Variants in BRAF observed in about 807,000 individuals in gnomAD.
BRAF encodes the protein serine/threonine-protein kinase B-raf.
In BRAF, 16 loss-of-function variants were observed where a neutral mutation model predicts 104.6. The ratio of observed to expected loss-of-function variants is 0.15; its 90% CI spans 0.10 to 0.23. The LOEUF is 0.23. Ranked by LOEUF, BRAF falls within the 10% of genes least tolerant of loss-of-function variation. The probability of loss-of-function intolerance (pLI) is 1.00; values close to 1 mark genes in which losing one functional copy is unlikely to be tolerated. For synonymous variants in BRAF, 310 were observed against 341.6 expected (o/e 0.91, Z 1.02); for missense variants, 541 against 937.3 (o/e 0.58, Z 5.52).
intron 3 of BRAF, among the ~76,000 whole-genome samples, chr7:140,819,308 A>G (rs1382746347): frequency 6.6e-6 from 1 of 152,220 alleles, no homozygotes; most frequent in Non-Finnish European, 1.5e-5. Context: ...CATAAGGGAA[A>G]TGCAAATAAA....
At chr7:140,816,120 TA>T (rs1425266311) in intron 3 of BRAF, among the ~76,000 whole-genome samples, 1 of 152,238 alleles carries the variant, frequency 6.6e-6, no homozygotes, top group East Asian at 1.9e-4. Context: ...TATTGAAATT[TA>T]AACACAGTAA....
chr7:140,876,925 A>C (rs1031464905), intron 1 of BRAF, among the ~76,000 whole-genome samples: 4 of 152,284 alleles, frequency 2.6e-5, no homozygotes, highest in Admixed American at 6.5e-5. Flanking sequence ...TTAAAAAAAA[A>C]CCACAAACGT....
chr7:140,899,107 T>C (rs776563890), intron 1 of BRAF, among the ~76,000 whole-genome samples: 2 of 152,198 alleles, frequency 1.3e-5, no homozygotes, highest in Non-Finnish European at 2.9e-5. Context: ...ATCTTATATA[T>C]ATGCTTCCTA....
At chr7:140,744,871 T>C (rs920594313) in intron 17 of BRAF, among the ~76,000 whole-genome samples, 1 of 152,126 alleles carries the variant, frequency 6.6e-6, no homozygotes, top group Non-Finnish European at 1.5e-5. Context: ...AAAAACATAA[T>C]TCAGAATTAA....
Position 140,725,458 on chromosome 7 carries a change from ATT to A in BRAF, c.*1034_*1035del. 1 of 930,884 alleles carries A rather than the reference ATT, an allele frequency of 1.1e-6. No individual in the cohort carries two copies. The highest frequency in any genetic ancestry group is 1.7e-5 in the African/African-American group (1 of 57,428). 57.7% of individuals were successfully genotyped at this position (930,884 alleles called of 1,614,324 possible). A position where few individuals can be genotyped will look rare whatever the true frequency, so the allele number is the denominator to read the frequency against. On this transcript the variant is annotated 3_prime_UTR_variant, in exon 20 of 20. Coordinates refer to ENST00000644969, the MANE Select transcript of BRAF (RefSeq NM_001374258.1). ...TCCAATTCAATTAAATCTGAAAATT[ATT>A]TTCTTTTTAATAAAAATAGAAAAGA... is the stretch of plus-strand genomic sequence containing the variant.
chr7:140,862,849 A>T (rs1349183751), intron 1 of BRAF, among the ~76,000 whole-genome samples: 1 of 152,210 alleles, frequency 6.6e-6, no homozygotes, highest in Non-Finnish European at 1.5e-5. Context: ...TAAATTGCAC[A>T]TAGTATGGTA....
intron 1 of BRAF, among the ~76,000 whole-genome samples, chr7:140,919,691 T>C (rs543069824): frequency 6.6e-6 from 1 of 152,338 alleles, no homozygotes; most frequent in South Asian, 2.1e-4. Context: ...AATGAGGCTA[T>C]ATTTTTCTTC....
chr7:140,919,824 T>A (rs1037260213), intron 1 of BRAF, among the ~76,000 whole-genome samples: 3 of 121,406 alleles, frequency 2.5e-5, no homozygotes, highest in Non-Finnish European at 6.4e-5. Flanking sequence ...ACAAGCAAGT[T>A]TTTTTGTTTT....
chr7:140,879,758 T>A (rs1812678027), intron 1 of BRAF, among the ~76,000 whole-genome samples: 1 of 149,476 alleles, frequency 6.7e-6, no homozygotes, highest in South Asian at 2.1e-4. Context: ...TAAGATGGAG[T>A]CTTGCTCTGT....
rs1157502560 is a variant in BRAF, at chr7:140,849,622, C to A, written c.240+489G>T. 4.6e-5 allele frequency among the ~76,000 whole-genome samples: 7 copies of A among 151,608 alleles called. No individual in the cohort carries two copies. The East Asian group carries it at 1.2e-3, about 25-fold the overall frequency. ...CAAAGTCAGTTCGAGACCAGCCTGG[C>A]CAATATGGTGAAACCCCATCTCTAC... On this transcript the variant is annotated intron_variant, in intron 2 of 19. Coordinates refer to ENST00000644969, the MANE Select transcript of BRAF (RefSeq NM_001374258.1).
intron 1 of BRAF, among the ~76,000 whole-genome samples, chr7:140,870,901 A>C (rs1344663951): frequency 6.6e-6 from 1 of 151,862 alleles, no homozygotes. Context: ...ACTTTTAACA[A>C]ATTTGGTTTA....
intron 5 of BRAF, among the ~76,000 whole-genome samples, chr7:140,802,916 C>CAA (rs1803281099): frequency 6.6e-6 from 1 of 152,198 alleles, no homozygotes; most frequent in Non-Finnish European, 1.5e-5. Context: ...TCACCACTCA[C>CAA]TCACCAGAGC....
chr7:140,870,523 A>G (rs1811459137), intron 1 of BRAF, among the ~76,000 whole-genome samples: 1 of 152,074 alleles, frequency 6.6e-6, no homozygotes, highest in African/African-American at 2.4e-5. Flanking sequence ...CTGCAGAGTA[A>G]CACAGGGCAT....
At chr7:140,811,960 G>A (rs1267612) in intron 3 of BRAF, among the ~76,000 whole-genome samples, 45,403 of 152,030 alleles carry the variant, frequency 0.3, 10,820 homozygotes, top group African/African-American at 0.66. Flanking sequence ...TGTGCCATTC[G>A]TCTTCCGCCT....
At chr7:140,903,920 A>T (rs1173408372) in intron 1 of BRAF, among the ~76,000 whole-genome samples, 1 of 152,246 alleles carries the variant, frequency 6.6e-6, no homozygotes, top group African/African-American at 2.4e-5. Flanking sequence ...CTACAATATC[A>T]TGATGAAATT....
intron 1 of BRAF, among the ~76,000 whole-genome samples, chr7:140,907,006 C>G (rs771172051): frequency 6.6e-6 from 1 of 152,302 alleles, no homozygotes; most frequent in Admixed American, 6.5e-5. Context: ...AATATTACTT[C>G]TGTACCATTC....
At chr7:140,843,101 C>A (rs1808153797) in intron 2 of BRAF, among the ~76,000 whole-genome samples, 1 of 152,142 alleles carries the variant, frequency 6.6e-6, no homozygotes, top group Admixed American at 6.5e-5. Context: ...AAACTGAACA[C>A]TGGAAATTTT....
chr7:140,869,814 A>T (rs565317952), intron 1 of BRAF, among the ~76,000 whole-genome samples: 13 of 152,238 alleles, frequency 8.5e-5, no homozygotes, highest in Non-Finnish European at 1.3e-4. Context: ...AAATACCTTC[A>T]GAAAGATTAT....
At chr7:140,805,072 A>T (rs1803524051) in intron 5 of BRAF, among the ~76,000 whole-genome samples, 1 of 152,182 alleles carries the variant, frequency 6.6e-6, no homozygotes, top group Non-Finnish European at 1.5e-5. Context: ...TCAAGGGATT[A>T]GAGGCATGAG....
Sources: allele counts gnomAD v4.1 joint callset (sites outside exome capture counted in the v4.1 genomes callset), GRCh38; gene constraint gnomAD v4.1.1; transcripts MANE v1.5; gene names NCBI Gene and HGNC (gene_info 2026-07-23, HGNC 2026-07-21).